The following MYRIP variants were observed in gnomAD, a reference collection of about 807,000 sequenced individuals.
MYRIP encodes rab effector MyRIP.
A neutral mutation model predicts 98.0 loss-of-function variants in MYRIP; 49 were observed. That is an observed-to-expected ratio of 0.50 (90% confidence interval 0.40 to 0.63). The LOEUF is 0.63. Among genes scored for constraint, MYRIP ranks in the 30% least tolerant of loss-of-function variants. MYRIP has a pLI of 0.00. For synonymous variants in MYRIP, 404 were observed against 409.5 expected (o/e 0.99, Z 0.16); for missense variants, 1,004 against 1,058.2 (o/e 0.95, Z 0.71).
intron 3 of MYRIP, among the ~76,000 whole-genome samples, chr3:40,104,821 GA>G (rs1949024498): frequency 6.6e-6 from 1 of 152,156 alleles, no homozygotes. Context: ...TTGACAATAA[GA>G]CAACTTATAC....
chr3:40,034,238 A>G (rs1428604551), intron 2 of MYRIP, among the ~76,000 whole-genome samples: 1 of 152,076 alleles, frequency 6.6e-6, no homozygotes, highest in Non-Finnish European at 1.5e-5. Context: ...TAATGAAACT[A>G]AAGAGCTTCT....
chr3:40,115,057 T>G (rs906759545), intron 3 of MYRIP, among the ~76,000 whole-genome samples: 4 of 152,150 alleles, frequency 2.6e-5, no homozygotes, highest in Admixed American at 1.3e-4. Flanking sequence ...GAATGAAGTA[T>G]TTCTGATATG....
At chr3:40,255,455 A>T (rs1391885737) in intron 16 of MYRIP, among the ~76,000 whole-genome samples, 1 of 152,244 alleles carries the variant, frequency 6.6e-6, no homozygotes, top group Admixed American at 6.5e-5. Context: ...CTTTCACCTC[A>T]ATATGTTTTT....
In MYRIP at chr3:40,259,544, C is replaced by T. The variant is rs1000102501; in HGVS notation, c.*1378C>T. ...GAGAGATTAATTTGCCAAAGCCACA[C>T]CTTTATGCTAATTATGATTGGAATG... On this transcript the variant is annotated 3_prime_UTR_variant, in exon 17 of 17. Coordinates refer to ENST00000302541, the MANE Select transcript of MYRIP (RefSeq NM_015460.4). 2 of 152,194 alleles carry T rather than the reference C, an allele frequency of 1.3e-5. No homozygotes were observed. Among genetic ancestry groups the T allele is most frequent in the African/African-American group, 4.8e-5 (2 of 41,444 alleles). 9.4% of individuals were successfully genotyped at this position (152,194 alleles called of 1,614,324 possible). A position where few individuals can be genotyped will look rare whatever the true frequency, so the allele number is the denominator to read the frequency against.
intron 2 of MYRIP, among the ~76,000 whole-genome samples, chr3:39,971,427 AATAG>A (rs1185064105): frequency 6.6e-6 from 1 of 152,080 alleles, no homozygotes; most frequent in Non-Finnish European, 1.5e-5. Flanking sequence ...TAGTATAGAT[AATAG>A]ATAGTGTATA....
intron 4 of MYRIP, among the ~76,000 whole-genome samples, chr3:40,157,958 A>G (rs77417760): frequency 0.38 from 57,020 of 151,872 alleles, 12,592 homozygotes; most frequent in Non-Finnish European, 0.5. Context: ...TCCTGGATTC[A>G]TTTATTTTTT....
chr3:40,210,060 C>A lies in MYRIP; in HGVS notation c.1872C>A (p.Asp624Glu). Residue 624 changes from aspartate to glutamate, a missense_variant, in exon 11 of 17, where the codon GAC becomes GAA. By Grantham distance (45) the Asp-to-Glu change is conservative. Coordinates refer to ENST00000302541, the MANE Select transcript of MYRIP (RefSeq NM_015460.4). The part of the protein sequence containing the change: ...ENQKESLSSE[D>E]NSQSVQEELK... ...AGAAGGAAAGTCTGTCCTCTGAAGA[C>A]AACAGCCAGAGTGTCCAGGAAGAGC... The A allele has an allele frequency of 6.2e-7, 1 of 1,614,002 alleles. No individual in the cohort carries two copies.
chr3:39,833,734 A>C (rs1344533931), intron 1 of MYRIP, among the ~76,000 whole-genome samples: 2 of 152,070 alleles, frequency 1.3e-5, no homozygotes, highest in Non-Finnish European at 1.5e-5. Context: ...AATTTGAAAA[A>C]CTAGGGCCAG....
At chr3:40,154,451 G>A (rs1278626055) in intron 4 of MYRIP, among the ~76,000 whole-genome samples, 2 of 152,206 alleles carry the variant, frequency 1.3e-5, no homozygotes, top group Non-Finnish European at 2.9e-5. Context: ...CTCTAGTGGA[G>A]AAGTCAGATA....
intron 12 of MYRIP, among the ~76,000 whole-genome samples, chr3:40,236,252 T>C (rs1444699779): frequency 6.6e-6 from 1 of 152,226 alleles, no homozygotes; most frequent in Non-Finnish European, 1.5e-5. Flanking sequence ...TTATACCATC[T>C]AGGTTTGCAT....
chr3:40,044,759 T>A (rs1395423711), intron 3 of MYRIP, among the ~76,000 whole-genome samples: 1 of 152,130 alleles, frequency 6.6e-6, no homozygotes, highest in African/African-American at 2.4e-5. Context: ...ATGAGGGCAC[T>A]GAGCAAGGAG....
intron 2 of MYRIP, among the ~76,000 whole-genome samples, chr3:39,933,679 T>TAA (rs1233687778): frequency 6.6e-6 from 1 of 152,180 alleles, no homozygotes; most frequent in Admixed American, 6.5e-5. Flanking sequence ...TTTCAGGCAA[T>TAA]AAAATATCAA....
rs57700272 is a variant in MYRIP, at chr3:39,911,056, C to A, written c.110+10130C>A. ...AAGCATACTGTGTCCATGCCATATT[C>A]ATGACAAAGAGTTTATGCATCTCAG... On this transcript the variant is annotated intron_variant, in intron 2 of 16. Coordinates refer to ENST00000302541, the MANE Select transcript of MYRIP (RefSeq NM_015460.4). 1.5e-3 allele frequency among the ~76,000 whole-genome samples: 224 copies of A among 152,252 alleles called. 2 individuals carry two copies. The highest frequency in any genetic ancestry group is 5.2e-3 in the African/African-American group (216 of 41,546).
At chr3:40,244,055 T>C (rs1198975290) in intron 12 of MYRIP, among the ~76,000 whole-genome samples, 1 of 152,230 alleles carries the variant, frequency 6.6e-6, no homozygotes, top group Admixed American at 6.5e-5. Flanking sequence ...TTTTTCTCAA[T>C]TACTAAATGC....
intron 2 of MYRIP, among the ~76,000 whole-genome samples, chr3:39,958,673 A>G (rs1945239817): frequency 6.6e-6 from 1 of 152,224 alleles, no homozygotes; most frequent in Admixed American, 6.5e-5. Context: ...GCCAAAATTG[A>G]CAAATGGGAT....
chr3:40,158,719 C>T (rs562569806), intron 4 of MYRIP, among the ~76,000 whole-genome samples: 2 of 151,868 alleles, frequency 1.3e-5, no homozygotes, highest in Non-Finnish European at 2.9e-5. Flanking sequence ...CTTAGCTCTT[C>T]TTGTTGAATT....
intron 2 of MYRIP, among the ~76,000 whole-genome samples, chr3:40,000,053 C>T (rs2125784171): frequency 6.6e-6 from 1 of 150,384 alleles, no homozygotes; most frequent in Non-Finnish European, 1.5e-5. Flanking sequence ...GGAGGGATAA[C>T]AATAGGAAAT....
intron 2 of MYRIP, among the ~76,000 whole-genome samples, chr3:39,907,091 T>TG (rs1943897274): frequency 6.6e-6 from 1 of 151,588 alleles, no homozygotes; most frequent in African/African-American, 2.4e-5. Context: ...AACTCCTGAG[T>TG]ACCCCATGGA....
At chr3:40,050,241 C>T (rs545871824) in intron 3 of MYRIP, among the ~76,000 whole-genome samples, 1 of 152,230 alleles carries the variant, frequency 6.6e-6, no homozygotes, top group Admixed American at 6.5e-5. Flanking sequence ...TACCTGGCTT[C>T]AAAGAACAGG....
Sources: allele counts gnomAD v4.1 joint callset (sites outside exome capture counted in the v4.1 genomes callset), GRCh38; gene constraint gnomAD v4.1.1; transcripts MANE v1.5; gene names NCBI Gene and HGNC (gene_info 2026-07-23, HGNC 2026-07-21).